The following PCNX2 variants were observed in gnomAD, a reference collection of about 807,000 sequenced individuals.
The protein encoded by PCNX2 is pecanex-like protein 2.
A neutral mutation model predicts 223.8 loss-of-function variants in PCNX2; 168 were observed. The observed-to-expected ratio is 0.75, with a 90% CI of 0.66 to 0.85. The LOEUF (loss-of-function observed/expected upper bound fraction) is 0.85, where lower values mean the gene tolerates loss of function less well. Among genes scored for constraint, PCNX2 ranks in the 40% least tolerant of loss-of-function variants. The pLI, the probability that PCNX2 is intolerant of heterozygous loss-of-function variation, is 0.00. For synonymous variants in PCNX2, 1,006 were observed against 1,052.6 expected (o/e 0.96, Z 0.86); for missense variants, 2,507 against 2,675.5 (o/e 0.94, Z 1.39).
intron 28 of PCNX2, among the ~76,000 whole-genome samples, chr1:233,009,103 T>C (rs1558159395): frequency 6.6e-6 from 1 of 152,212 alleles, no homozygotes; most frequent in Non-Finnish European, 1.5e-5. Flanking sequence ...CACAAATCAC[T>C]TCTCTGTGTT....
rs73103490 is a variant in PCNX2 at position 233,034,679 on chromosome 1, A to C, written c.4352-9280T>G. Among the ~76,000 whole-genome samples the C allele has an allele frequency of 8.0e-3, 1,220 of 152,296 alleles. 15 individuals are homozygous for C. Among genetic ancestry groups the C allele is most frequent in the African/African-American group, 0.028 (1,175 of 41,562 alleles). ...GTTGGCATTTTCTTGGGAAAGTTGG[A>C]AACCGAAGAATGGTTGCCTGAACAG... is the stretch of plus-strand genomic sequence containing the variant. On this transcript the variant is annotated intron_variant, in intron 25 of 33. Transcript: ENST00000258229.
chr1:233,157,326 G>T (rs917225104), intron 19 of PCNX2, among the ~76,000 whole-genome samples: 1 of 152,136 alleles, frequency 6.6e-6, no homozygotes, highest in Non-Finnish European at 1.5e-5. Flanking sequence ...TTATGTTTCT[G>T]TCCCTAGGCT....
intron 1 of PCNX2, among the ~76,000 whole-genome samples, chr1:233,287,096 T>C (rs1252561855): frequency 6.6e-6 from 1 of 152,176 alleles, no homozygotes; most frequent in Non-Finnish European, 1.5e-5. Flanking sequence ...AAAGGAACAG[T>C]GGAAGACAAA....
chr1:232,999,897 G>A (rs1670020226), intron 30 of PCNX2, among the ~76,000 whole-genome samples: 1 of 152,222 alleles, frequency 6.6e-6, no homozygotes, highest in South Asian at 2.1e-4. Flanking sequence ...TTTTCACTTA[G>A]TGATTTGAAG....
intron 25 of PCNX2, among the ~76,000 whole-genome samples, chr1:233,048,830 C>A (rs983511976): frequency 6.6e-6 from 1 of 152,224 alleles, no homozygotes; most frequent in South Asian, 2.1e-4. Context: ...GATGACATTA[C>A]AATTGATCCT....
chr1:233,319,238 G>T, the PCNX2 span, among the ~76,000 whole-genome samples: 1 of 152,080 alleles, frequency 6.6e-6, no homozygotes, highest in Non-Finnish European at 1.5e-5. Flanking sequence ...CCCCCCCATG[G>T]TTTTGAACTA....
intron 28 of PCNX2, among the ~76,000 whole-genome samples, chr1:233,010,237 C>G (rs1670420390): frequency 6.6e-6 from 1 of 152,156 alleles, no homozygotes; most frequent in Admixed American, 6.5e-5. Flanking sequence ...AGAATATTTC[C>G]TCAACACGCT....
rs139690356 is a variant in PCNX2, at chr1:233,130,402, G to A, written c.3837+4611C>T. Among the ~76,000 whole-genome samples the A allele has an allele frequency of 4.3e-3, 650 of 151,728 alleles. 6 individuals carry two copies. Among genetic ancestry groups the A allele is most frequent in the African/African-American group, 0.015 (619 of 41,334 alleles). ...TGTCTCACCCACCGTCTCGATACAC[G>A]GCTGCACTTAATTTGTCTGGTGGGT... is the stretch of plus-strand genomic sequence containing the variant. On this transcript the variant is annotated intron_variant, in intron 21 of 33. Coordinates refer to ENST00000258229, the MANE Select transcript of PCNX2 (RefSeq NM_014801.4).
chr1:233,120,164 C>CAAA lies in PCNX2; in HGVS notation c.3837+14846_3837+14848dup, dbSNP rs1228898502. ...CCTGGGTGACAGTGAGACTCCATTT[C>CAAA]AAAAAAAAAAAAAAAAAAAAGAAAT... is the stretch of plus-strand genomic sequence containing the variant. On this transcript the variant is annotated intron_variant, in intron 21 of 33. Transcript: ENST00000258229. Among the ~76,000 whole-genome samples the CAAA allele has an allele frequency of 4.8e-3, 206 of 42,624 alleles. 5 individuals carry two copies. The highest frequency in any genetic ancestry group is 0.026 in the East Asian group (35 of 1,364). The allele number at this position is 42,624 out of a possible 152,430, so 28.0% of individuals were successfully genotyped here.
chr1:233,155,123 T>C (rs57241657), intron 19 of PCNX2, among the ~76,000 whole-genome samples: 20,757 of 149,804 alleles, frequency 0.14, 2,314 homozygotes, highest in East Asian at 0.35. Flanking sequence ...CCAGCTAAAG[T>C]GCGAGAGTGC....
At chr1:233,174,686 GAAAC>G (rs1403245485) in intron 17 of PCNX2, among the ~76,000 whole-genome samples, 3 of 151,922 alleles carry the variant, frequency 2.0e-5, no homozygotes, top group Admixed American at 6.6e-5. Flanking sequence ...TTGATACAGT[GAAAC>G]AAACAAATCT....
chr1:233,214,494 G>A (rs1161413030), intron 12 of PCNX2, among the ~76,000 whole-genome samples: 4 of 152,182 alleles, frequency 2.6e-5, no homozygotes. Flanking sequence ...ACCGGGTGCT[G>A]TCCCAGCCAG....
chr1:233,113,321 C>T (rs1316769408), intron 21 of PCNX2, among the ~76,000 whole-genome samples: 2 of 152,054 alleles, frequency 1.3e-5, no homozygotes, highest in African/African-American at 4.8e-5. Context: ...TCATAAGAAG[C>T]CAAGAAAATC....
chr1:233,227,288 A>G lies in PCNX2; in HGVS notation c.2442T>C (p.Ile814=), dbSNP rs371377022. ...AGACTTTAATCCACTTGCCAGGGAAAATGATAAATTTGTAAAACTGCTCTC... is the reference window on the plus strand; with the variant it reads ...AGACTTTAATCCACTTGCCAGGGAAGATGATAAATTTGTAAAACTGCTCTC... ...FNREQFYKFI[I]FPGKWIKVWY... The change falls in exon 10 of 34, where the codon ATT becomes ATC. Residue 814 remains isoleucine, a synonymous_variant. Coordinates refer to ENST00000258229, the MANE Select transcript of PCNX2 (RefSeq NM_014801.4). 19 of 1,613,376 alleles carry G rather than the reference A, an allele frequency of 1.2e-5. No individual in the cohort carries two copies. Among genetic ancestry groups the G allele is most frequent in the Non-Finnish European group, 1.5e-5 (18 of 1,179,616 alleles).
At chr1:233,241,828 G>A (rs566285688) in intron 8 of PCNX2, among the ~76,000 whole-genome samples, 1 of 152,254 alleles carries the variant, frequency 6.6e-6, no homozygotes, top group South Asian at 2.1e-4. Flanking sequence ...TAGTTGACTT[G>A]TTTTATTGCC....
chr1:233,147,994 T>A (rs560233178), intron 19 of PCNX2, among the ~76,000 whole-genome samples: 140 of 152,302 alleles, frequency 9.2e-4, no homozygotes, highest in African/African-American at 3.2e-3. Flanking sequence ...CACAAAAAAA[T>A]ACTGAGTTAG....
chr1:233,087,240 G>C (rs959257486), intron 23 of PCNX2: 54 of 981,970 alleles, frequency 5.5e-5, no homozygotes, highest in Non-Finnish European at 6.2e-5. Flanking sequence ...AAAACCAAGG[G>C]ACTGGAAAGT....
chr1:233,019,338 T>A, intron 26 of PCNX2: 1 of 395,430 alleles, frequency 2.5e-6, no homozygotes, highest in Non-Finnish European at 3.4e-6. Flanking sequence ...AATTCAGTAG[T>A]GTGCCTGTTC....
chr1:233,238,516 C>G (rs1023738695), intron 8 of PCNX2, among the ~76,000 whole-genome samples: 1 of 151,882 alleles, frequency 6.6e-6, no homozygotes, highest in Non-Finnish European at 1.5e-5. Flanking sequence ...CACAGTGAGA[C>G]CTAAGCGCTA....
Sources: allele counts gnomAD v4.1 joint callset (sites outside exome capture counted in the v4.1 genomes callset), GRCh38; gene constraint gnomAD v4.1.1; transcripts MANE v1.5; gene names NCBI Gene and HGNC (gene_info 2026-07-23, HGNC 2026-07-21).